The following GRK3 variants were observed in gnomAD, a reference collection of about 807,000 sequenced individuals.
GRK3 encodes the protein G protein-coupled receptor kinase 3.
Under a neutral mutation model 95.7 loss-of-function variants are expected in GRK3, and 54 were observed. The observed-to-expected ratio is 0.56, with a 90% confidence interval of 0.45 to 0.71. The LOEUF (loss-of-function observed/expected upper bound fraction) is 0.71. Ranked by LOEUF, GRK3 falls within the 30% of genes least tolerant of loss-of-function variation. The pLI is 0.00. For synonymous variants in GRK3, 281 were observed against 290.8 expected, an observed-to-expected ratio of 0.97 and a Z score of 0.34; for missense variants, 649 against 851.2, an observed-to-expected ratio of 0.76 and a Z score of 2.96.
intron 5 of GRK3, among the ~76,000 whole-genome samples, chr22:25,666,829 G>A (rs1387729970): frequency 6.6e-6 from 1 of 152,170 alleles, no homozygotes; most frequent in East Asian, 1.9e-4. Context: ...TCAATGAGCT[G>A]AGGGTGCCAA....
intron 13 of GRK3, among the ~76,000 whole-genome samples, chr22:25,696,542 C>T (rs1047050337): frequency 3.9e-4 from 59 of 152,314 alleles, no homozygotes; most frequent in African/African-American, 1.4e-3. Flanking sequence ...TATTCAGACT[C>T]ATAAATCATT....
chr22:25,604,353 A>G, intron 1 of GRK3, 24 bp from the exon 2 acceptor site: 2 of 1,582,278 alleles, frequency 1.3e-6, no homozygotes, highest in Non-Finnish European at 1.7e-6. Context: ...GTATTGTTAA[A>G]AATGTGTCAC....
chr22:25,622,633 G>A (rs79867424), intron 2 of GRK3, among the ~76,000 whole-genome samples: 3,426 of 152,278 alleles, frequency 0.022, 63 homozygotes, highest in Middle Eastern at 0.068. Context: ...TCTTGACCAG[G>A]CCCGATGTAT....
At chr22:25,635,249 T>A (rs2084691640) in intron 2 of GRK3, among the ~76,000 whole-genome samples, 1 of 152,248 alleles carries the variant, frequency 6.6e-6, no homozygotes. Flanking sequence ...GCCTCATTTG[T>A]TTCATTATTC....
At chr22:25,706,746 C>G (rs757772408) in intron 15 of GRK3, among the ~76,000 whole-genome samples, 5 of 152,172 alleles carry the variant, frequency 3.3e-5, no homozygotes, top group Admixed American at 6.5e-5. Context: ...TGGTCTCGAA[C>G]TCCTGATCTC....
At position 25,584,544 on chromosome 22, in the gene GRK3, C is replaced by T. The variant is rs1158012858; in HGVS notation, c.113+19391C>T. Reference sequence around the variant, plus strand: ...CTGCCTCAGTGAAAAGGTGAACATTCTCAATGTAAGAGAACAGAATAAATC... The same window carrying T: ...CTGCCTCAGTGAAAAGGTGAACATTTTCAATGTAAGAGAACAGAATAAATC... On this transcript the variant is annotated intron_variant, in intron 1 of 20. Coordinates refer to ENST00000324198, the MANE Select transcript of GRK3 (RefSeq NM_005160.4). 2.6e-5 allele frequency among the ~76,000 whole-genome samples: 4 copies of T among 152,390 alleles called. No individual in the cohort carries two copies. In the East Asian group the frequency reaches 7.7e-4, roughly 29 times the overall value.
In GRK3 at chr22:25,729,285, T is replaced by C. The variant is rs1326283678; in HGVS notation, c.*6835T>C. On this transcript the variant is annotated 3_prime_UTR_variant, in exon 21 of 21. Transcript: ENST00000324198. ...TATATAAATCTGAATAAAAAGGATC[T>C]GTACAAAGATATCGACTTCCGTGTG... The C allele has an allele frequency of 6.6e-6, 1 of 152,230 alleles. No homozygotes were observed. Among genetic ancestry groups the C allele is most frequent in the African/African-American group, 2.4e-5 (1 of 41,462 alleles). 9.4% of individuals were successfully genotyped at this position (152,230 alleles called of 1,614,324 possible).
rs562441189 is a variant in GRK3, at chr22:25,722,595, G to A, written c.*145G>A. 2.1e-5 allele frequency: 15 copies of A among 702,730 alleles called. No individual in the cohort carries two copies. In the South Asian group the frequency reaches 3.1e-4, roughly 14 times the overall value. The allele number at this position is 702,730 out of a possible 1,614,324, so 43.5% of individuals were successfully genotyped here. The stretch of plus-strand genomic sequence containing the variant: ...GTCGGGACCCTTCGGCTTGGGGTCA[G>A]CTCAGCTCCCTGCCTTGTCACATTT... On this transcript the variant is annotated 3_prime_UTR_variant, in exon 21 of 21. Transcript: ENST00000324198.
chr22:25,648,128 A>G, intron 3 of GRK3: 1 of 613,704 alleles, frequency 1.6e-6, no homozygotes, highest in South Asian at 1.9e-5. Context: ...AAAAACAAAT[A>G]AGCAAACAGA....
chr22:25,599,591 C>CAAAA (rs35202175), intron 1 of GRK3, among the ~76,000 whole-genome samples: 3 of 82,392 alleles, frequency 3.6e-5, no homozygotes, highest in Non-Finnish European at 8.8e-5. Flanking sequence ...GACTCTGTCT[C>CAAAA]AAAAAAAAAA....
chr22:25,565,209 G>A (rs2146305188), intron 1 of GRK3, 56 bp downstream of exon 1: 1 of 913,264 alleles, frequency 1.1e-6, no homozygotes, highest in Non-Finnish European at 1.6e-6. Flanking sequence ...GCGGCCGCCA[G>A]CTACCCCCTG....
intron 3 of GRK3, among the ~76,000 whole-genome samples, chr22:25,645,497 G>T (rs988748607): frequency 6.6e-6 from 1 of 152,114 alleles, no homozygotes; most frequent in South Asian, 2.1e-4. Flanking sequence ...CAAAACACAC[G>T]CCAAGTTTTC....
chr22:25,597,984 G>A (rs1166612726), intron 1 of GRK3, among the ~76,000 whole-genome samples: 2 of 152,212 alleles, frequency 1.3e-5, no homozygotes, highest in Non-Finnish European at 1.5e-5. Flanking sequence ...AGTGTGTTGG[G>A]CAGAAGGTGT....
chr22:25,676,280 C>G (rs7285561), intron 8 of GRK3, among the ~76,000 whole-genome samples: 10,624 of 152,266 alleles, frequency 0.07, 379 homozygotes, highest in Middle Eastern at 0.15. Flanking sequence ...TTGCACAGTG[C>G]ACTTTTTCAT....
chr22:25,675,378 A>G (rs2085020139), intron 8 of GRK3, among the ~76,000 whole-genome samples: 1 of 152,174 alleles, frequency 6.6e-6, no homozygotes, highest in Admixed American at 6.5e-5. Flanking sequence ...GGAGGTCAGC[A>G]TTCAGAAACT....
chr22:25,575,929 A>T (rs578097017), intron 1 of GRK3, among the ~76,000 whole-genome samples: 7 of 152,338 alleles, frequency 4.6e-5, no homozygotes, highest in African/African-American at 1.7e-4. Flanking sequence ...TCTTATTGTG[A>T]AACTCACATA....
chr22:25,600,898 A>G (rs781140224), intron 1 of GRK3, among the ~76,000 whole-genome samples: 2 of 152,244 alleles, frequency 1.3e-5, no homozygotes, highest in Non-Finnish European at 2.9e-5. Flanking sequence ...TAGACTTAAC[A>G]AAGATTATAA....
intron 10 of GRK3, among the ~76,000 whole-genome samples, chr22:25,687,110 G>A (rs2085121255): frequency 1.3e-5 from 2 of 150,886 alleles, no homozygotes; most frequent in African/African-American, 4.9e-5. Flanking sequence ...ATGAGCCACT[G>A]TGCCCAGCCT....
chr22:25,642,813 C>G (rs943026227), intron 2 of GRK3, among the ~76,000 whole-genome samples: 1 of 152,198 alleles, frequency 6.6e-6, no homozygotes, highest in African/African-American at 2.4e-5. Flanking sequence ...CTCTATCAAG[C>G]CCACTTGGTT....
Sources: gnomAD v4.1 joint callset for allele counts (sites outside exome capture counted in the v4.1 genomes callset) on GRCh38, gnomAD v4.1.1 for gene constraint, MANE v1.5 for transcripts, NCBI Gene and HGNC (gene_info 2026-07-23, HGNC 2026-07-21) for gene names.